The following FHIT variants were observed in gnomAD, a reference collection of about 807,000 sequenced individuals.
FHIT encodes the protein fragile histidine triad diadenosine triphosphatase, also known as bis(5'-adenosyl)-triphosphatase.
In FHIT, 19 loss-of-function variants were observed where a neutral mutation model predicts 17.9. The ratio of observed to expected loss-of-function variants is 1.06; its 90% CI spans 0.74 to 1.56. The LOEUF is 1.56. Ranked by LOEUF, FHIT falls within the 40% of genes most tolerant of loss-of-function variation. The probability of loss-of-function intolerance (pLI) is 0.00; values close to 1 mark genes in which losing one functional copy is unlikely to be tolerated. For missense variants in FHIT, 248 were observed against 189.2 expected (o/e 1.31, Z -1.82); for synonymous variants, 81 against 69.7 (o/e 1.16, Z -0.81).
At chr3:60,285,920 A>G (rs564005619) in intron 5 of FHIT, among the ~76,000 whole-genome samples, 10 of 152,278 alleles carry the variant, frequency 6.6e-5, no homozygotes, top group Admixed American at 6.5e-4. Context: ...TCTTCCATCA[A>G]CTAGAACTCT....
chr3:61,202,799 C>G (rs1269386048), intron 1 of FHIT, among the ~76,000 whole-genome samples: 1 of 152,130 alleles, frequency 6.6e-6, no homozygotes, highest in Non-Finnish European at 1.5e-5. Context: ...CGCCTGTAAT[C>G]CCAGCACTTT....
intron 5 of FHIT, among the ~76,000 whole-genome samples, chr3:60,122,857 T>TAC (rs1195634800): frequency 6.6e-6 from 1 of 152,242 alleles, no homozygotes; most frequent in African/African-American, 2.4e-5. Context: ...TTTTAACTTT[T>TAC]ACTGCACAAG....
intron 5 of FHIT, among the ~76,000 whole-genome samples, chr3:60,459,140 C>G (rs143523483): frequency 6.6e-6 from 1 of 152,108 alleles, no homozygotes; most frequent in African/African-American, 2.4e-5. Context: ...ATGTCATACT[C>G]AATTCTAGCT....
chr3:61,090,271 G>A (rs1332931948), intron 2 of FHIT, among the ~76,000 whole-genome samples: 1 of 152,116 alleles, frequency 6.6e-6, no homozygotes, highest in East Asian at 1.9e-4. Context: ...CATTTGAATA[G>A]GTGATTCTTA....
intron 5 of FHIT, among the ~76,000 whole-genome samples, chr3:60,451,862 C>G (rs2031769178): frequency 6.6e-6 from 1 of 152,094 alleles, no homozygotes; most frequent in Admixed American, 6.5e-5. Flanking sequence ...AGCAAAGGAA[C>G]AAAGTCCTAA....
intron 8 of FHIT, among the ~76,000 whole-genome samples, chr3:59,917,261 C>T (rs947073877): frequency 6.6e-6 from 1 of 152,144 alleles, no homozygotes; most frequent in Admixed American, 6.5e-5. Context: ...ATTGCTATTC[C>T]CACTTGCTTT....
At chr3:60,547,396 G>C (rs2036402665) in intron 4 of FHIT, among the ~76,000 whole-genome samples, 1 of 152,198 alleles carries the variant, frequency 6.6e-6, no homozygotes, top group East Asian at 1.9e-4. Flanking sequence ...GTTTACTCTA[G>C]AAATGGTAAT....
At chr3:60,344,209 T>A (rs1384178018) in intron 5 of FHIT, among the ~76,000 whole-genome samples, 5 of 152,164 alleles carry the variant, frequency 3.3e-5, no homozygotes, top group Non-Finnish European at 5.9e-5. Flanking sequence ...TAGCATTTGA[T>A]TGGAAACAGC....
chr3:59,809,616 T>C (rs1700335435), intron 8 of FHIT, among the ~76,000 whole-genome samples: 1 of 152,216 alleles, frequency 6.6e-6, no homozygotes, highest in South Asian at 2.1e-4. Flanking sequence ...CTCATTATAT[T>C]TGGAGTTCAA....
chr3:60,379,522 T>C (rs1252086255), intron 5 of FHIT, among the ~76,000 whole-genome samples: 1 of 152,218 alleles, frequency 6.6e-6, no homozygotes, highest in Non-Finnish European at 1.5e-5. Flanking sequence ...AGAGATAGTT[T>C]TCTTTCCATA....
chr3:60,029,993 C>G (rs1700934676), intron 5 of FHIT, among the ~76,000 whole-genome samples: 1 of 151,336 alleles, frequency 6.6e-6, no homozygotes, highest in Non-Finnish European at 1.5e-5. Context: ...TTTTTGTTAT[C>G]AGGCATTTGT....
At chr3:60,303,646 T>C (rs970880048) in intron 5 of FHIT, among the ~76,000 whole-genome samples, 2 of 152,186 alleles carry the variant, frequency 1.3e-5, no homozygotes, top group Non-Finnish European at 1.5e-5. Flanking sequence ...TTCTCATCCC[T>C]GAAGCCTTGA....
At chr3:60,022,131 T>C (rs78403390) in intron 5 of FHIT, among the ~76,000 whole-genome samples, 3,971 of 152,294 alleles carry the variant, frequency 0.026, 161 homozygotes, top group African/African-American at 0.089. Context: ...AGGATGTTCT[T>C]TGGAAACCTT....
At chr3:60,035,544 A>T (rs1701180717) in intron 5 of FHIT, among the ~76,000 whole-genome samples, 4 of 152,184 alleles carry the variant, frequency 2.6e-5, no homozygotes, top group Admixed American at 2.6e-4. Context: ...ATACTGGTCA[A>T]AATTTTATAG....
intron 3 of FHIT, among the ~76,000 whole-genome samples, chr3:60,839,320 TAA>T (rs1336792618): frequency 2.0e-5 from 3 of 152,086 alleles, no homozygotes; most frequent in African/African-American, 4.8e-5. Context: ...CCAATAAAAG[TAA>T]AAGACTCAGC....
intron 3 of FHIT, among the ~76,000 whole-genome samples, chr3:61,004,361 T>C (rs986394188): frequency 6.6e-6 from 1 of 152,136 alleles, no homozygotes; most frequent in Non-Finnish European, 1.5e-5. Context: ...TTTCTCCTCT[T>C]CTGTATTGGT....
chr3:60,897,322 C>A (rs782672062), intron 3 of FHIT, among the ~76,000 whole-genome samples: 1 of 152,038 alleles, frequency 6.6e-6, no homozygotes, highest in Non-Finnish European at 1.5e-5. Flanking sequence ...GCTTTTCTAT[C>A]GGATTTATGG....
intron 5 of FHIT, among the ~76,000 whole-genome samples, chr3:60,154,722 A>G (rs1700605376): frequency 6.6e-6 from 1 of 152,196 alleles, no homozygotes; most frequent in Non-Finnish European, 1.5e-5. Flanking sequence ...AAAAGGCACA[A>G]TTAATCATTT....
intron 5 of FHIT, among the ~76,000 whole-genome samples, chr3:60,051,018 G>A (rs1281399167): frequency 6.6e-6 from 1 of 152,134 alleles, no homozygotes; most frequent in African/African-American, 2.4e-5. Context: ...GTCCTCAGAG[G>A]GTTCCTATTC....
Sources: allele counts gnomAD v4.1 joint callset (sites outside exome capture counted in the v4.1 genomes callset), GRCh38; gene constraint gnomAD v4.1.1; transcripts MANE v1.5; gene names NCBI Gene and HGNC (gene_info 2026-07-23, HGNC 2026-07-21).